Variants in MMP16 observed in about 807,000 individuals in gnomAD.
The protein encoded by MMP16 is matrix metallopeptidase 16, also known as matrix metalloproteinase-16.
MMP16 carries 12 observed loss-of-function variants against 67.8 expected under a neutral mutation model. That is an observed-to-expected ratio of 0.18 (90% confidence interval 0.11 to 0.29). The LOEUF is 0.29. Among genes scored for constraint, MMP16 ranks in the 10% least tolerant of loss-of-function variants. MMP16 has a pLI of 1.00. For missense variants in MMP16, 475 were observed against 765.7 expected (o/e 0.62, Z 4.48); for synonymous variants, 249 against 255.9 (o/e 0.97, Z 0.26).
intron 6 of MMP16, among the ~76,000 whole-genome samples, chr8:88,107,689 C>A (rs954458167): frequency 1.3e-5 from 2 of 151,044 alleles, no homozygotes; most frequent in Non-Finnish European, 3.0e-5. Context: ...AAGTTCTGCA[C>A]ATTTCTTTAC....
At chr8:88,194,311 T>A (rs1455267855) in intron 2 of MMP16, among the ~76,000 whole-genome samples, 1 of 152,026 alleles carries the variant, frequency 6.6e-6, no homozygotes, top group Non-Finnish European at 1.5e-5. Flanking sequence ...CGAAAATGGT[T>A]AAGACATTAT....
At chr8:88,120,148 G>C (rs1042130522) in intron 4 of MMP16, among the ~76,000 whole-genome samples, 2 of 151,756 alleles carry the variant, frequency 1.3e-5, no homozygotes, top group Non-Finnish European at 1.5e-5. Context: ...GGTTACTGGG[G>C]GTTGTCTAGG....
chr8:88,064,209 A>G (rs1047516860), intron 7 of MMP16, among the ~76,000 whole-genome samples: 1 of 152,132 alleles, frequency 6.6e-6, no homozygotes, highest in Admixed American at 6.6e-5. Context: ...TTTACTATGT[A>G]GTTTTTTACA....
intron 1 of MMP16, among the ~76,000 whole-genome samples, chr8:88,254,910 T>C (rs995256791): frequency 2.0e-5 from 3 of 152,324 alleles, no homozygotes; most frequent in Middle Eastern, 3.4e-3. Context: ...CACTATAAGA[T>C]ATTAATAAAA....
At chr8:88,136,845 A>G (rs1185684016) in intron 4 of MMP16, among the ~76,000 whole-genome samples, 2 of 151,798 alleles carry the variant, frequency 1.3e-5, no homozygotes, top group African/African-American at 2.4e-5. Flanking sequence ...ATGTTTTCAT[A>G]CACCACACCA....
chr8:88,181,473 C>T (rs1808979798), intron 3 of MMP16, among the ~76,000 whole-genome samples: 1 of 151,466 alleles, frequency 6.6e-6, no homozygotes, highest in Non-Finnish European at 1.5e-5. Context: ...ATAAATCTAT[C>T]AAAATATGCA....
At chr8:88,108,685 T>C (rs1399850977) in intron 6 of MMP16, among the ~76,000 whole-genome samples, 1 of 151,296 alleles carries the variant, frequency 6.6e-6, no homozygotes, top group Admixed American at 6.6e-5. Flanking sequence ...AAACTGTCAA[T>C]TACTGTCCTT....
At chr8:88,137,772 C>A (rs76616825) in intron 4 of MMP16, among the ~76,000 whole-genome samples, 1 of 151,574 alleles carries the variant, frequency 6.6e-6, no homozygotes. Context: ...ACTCATTTTG[C>A]GCTCCCTCTC....
chr8:88,262,668 C>A (rs1328875331), intron 1 of MMP16, among the ~76,000 whole-genome samples: 1 of 151,790 alleles, frequency 6.6e-6, no homozygotes, highest in Admixed American at 6.6e-5. Flanking sequence ...ACTTTTAAAA[C>A]CTTCTTTTCA....
chr8:88,183,550 T>C (rs1221775591), intron 3 of MMP16, among the ~76,000 whole-genome samples: 1 of 152,128 alleles, frequency 6.6e-6, no homozygotes. Context: ...TTTCTTTCTT[T>C]ACCTCTATTA....
intron 1 of MMP16, among the ~76,000 whole-genome samples, chr8:88,237,391 T>TG (rs1301135173): frequency 2.0e-5 from 3 of 152,184 alleles, no homozygotes; most frequent in Non-Finnish European, 2.9e-5. Flanking sequence ...GGCTCACGCC[T>TG]GTAATCCCAG....
chr8:88,203,007 C>T (rs1462157718), intron 1 of MMP16, among the ~76,000 whole-genome samples: 1 of 151,572 alleles, frequency 6.6e-6, no homozygotes, highest in Non-Finnish European at 1.5e-5. Context: ...GTTTCATTGA[C>T]ACCAAAAATA....
intron 1 of MMP16, among the ~76,000 whole-genome samples, chr8:88,261,978 T>C (rs1020266266): frequency 6.6e-6 from 1 of 152,084 alleles, no homozygotes; most frequent in Non-Finnish European, 1.5e-5. Context: ...AGGTAGAATG[T>C]TAAGTAAGGT....
intron 6 of MMP16, among the ~76,000 whole-genome samples, chr8:88,075,519 C>T (rs115267284): frequency 1.4e-3 from 211 of 152,104 alleles, no homozygotes; most frequent in African/African-American, 4.5e-3. Flanking sequence ...ATAATACTTA[C>T]TAAGGGCAAA....
chr8:88,146,282 T>G (rs1056202146), intron 4 of MMP16, among the ~76,000 whole-genome samples: 1 of 151,988 alleles, frequency 6.6e-6, no homozygotes, highest in African/African-American at 2.4e-5. Context: ...ATATGTAAAT[T>G]ATAAAACATA....
chr8:88,209,818 C>T (rs1809485712), intron 1 of MMP16, among the ~76,000 whole-genome samples: 1 of 152,152 alleles, frequency 6.6e-6, no homozygotes, highest in South Asian at 2.1e-4. Flanking sequence ...CAGATAATAT[C>T]CCATTACATG....
intron 6 of MMP16, among the ~76,000 whole-genome samples, chr8:88,109,926 A>G (rs1057456585): frequency 5.3e-5 from 8 of 151,310 alleles, no homozygotes; most frequent in Non-Finnish European, 4.4e-5. Context: ...GCATGATTAT[A>G]GGGAATTGTC....
intron 1 of MMP16, among the ~76,000 whole-genome samples, chr8:88,268,615 C>A (rs1470862441): frequency 6.6e-6 from 1 of 151,992 alleles, no homozygotes; most frequent in African/African-American, 2.4e-5. Context: ...AATAGGTCAA[C>A]TTTCTTTTTT....
chr8:88,161,661 T>A (rs1023325754), intron 4 of MMP16, among the ~76,000 whole-genome samples: 3 of 152,154 alleles, frequency 2.0e-5, no homozygotes, highest in Non-Finnish European at 4.4e-5. Flanking sequence ...TAATTTTAGA[T>A]CTTTCCTGCT....
Sources: gnomAD v4.1 joint callset for allele counts (sites outside exome capture counted in the v4.1 genomes callset) on GRCh38, gnomAD v4.1.1 for gene constraint, MANE v1.5 for transcripts, NCBI Gene and HGNC (gene_info 2026-07-23, HGNC 2026-07-21) for gene names.